RASGEF1C: variants seen among roughly 807,000 people sequenced by gnomAD.
RASGEF1C encodes the protein RasGEF domain family member 1C.
In RASGEF1C, 27 loss-of-function variants were observed where a neutral mutation model predicts 58.1. The ratio of observed to expected loss-of-function variants is 0.46; its 90% CI spans 0.34 to 0.64. The LOEUF is 0.64. RASGEF1C is among the 30% of genes least tolerant of loss of function. The pLI is 0.01. For missense variants in RASGEF1C, 502 were observed against 605.1 expected, an observed-to-expected ratio of 0.83 and a Z score of 1.79; for synonymous variants, 243 against 246.3, an observed-to-expected ratio of 0.99 and a Z score of 0.13.
intron 1 of RASGEF1C, among the ~76,000 whole-genome samples, chr5:180,181,482 G>A (rs1324182644): frequency 6.6e-6 from 1 of 152,200 alleles, no homozygotes; most frequent in Non-Finnish European, 1.5e-5. Context: ...GGAGTGGAGT[G>A]GAGTGGGGTG....
chr5:180,137,995 G>A lies in RASGEF1C; in HGVS notation c.58C>T (p.Pro20Ser), dbSNP rs1335170043. The A allele has an allele frequency of 4.4e-6, 7 of 1,580,730 alleles. No individual in the cohort carries two copies. The highest frequency in any genetic ancestry group is 4.3e-6 in the Non-Finnish European group (5 of 1,169,176). ...TGTTCGCCATCTGTGGGCTCGGTGG[G>A]GGGTGGGCTGAGGCTGCCTGGGGTG... is the stretch of plus-strand genomic sequence containing the variant. ...MVTPGSLSPP[P>S]TEPTDGEQAG... Residue 20 changes from proline (P) to serine (S), a missense_variant, in exon 2 of 14, where the codon CCC (proline) becomes TCC (serine). By Grantham distance (74) the Pro-to-Ser change is moderately conservative (BLOSUM62 -1). Transcript: ENST00000361132. The surrounding 1 kb of genome is among the most constrained non-coding windows in gnomAD (Gnocchi z 4.1).
chr5:180,116,724 T>C (rs898554910), intron 10 of RASGEF1C, among the ~76,000 whole-genome samples: 1 of 152,188 alleles, frequency 6.6e-6, no homozygotes, highest in Non-Finnish European at 1.5e-5. Context: ...GCCCAGGCCA[T>C]GGCTGACGGC....
chr5:180,165,750 C>T (rs1323751117), intron 1 of RASGEF1C, among the ~76,000 whole-genome samples: 10 of 107,388 alleles, frequency 9.3e-5, no homozygotes, highest in East Asian at 2.8e-4. Context: ...TTAATTTTTC[C>T]TTTTTTTTTT....
At chr5:180,172,193 G>A (rs941640848) in intron 1 of RASGEF1C, among the ~76,000 whole-genome samples, 14 of 152,210 alleles carry the variant, frequency 9.2e-5, no homozygotes, top group African/African-American at 3.4e-4. Context: ...TGTGATGAGA[G>A]CACAGTGGGC....
intron 1 of RASGEF1C, among the ~76,000 whole-genome samples, chr5:180,183,662 T>G (rs1483773558): frequency 6.6e-6 from 1 of 151,958 alleles, no homozygotes; most frequent in Non-Finnish European, 1.5e-5. Flanking sequence ...CCGTCTCTAC[T>G]AAAAATACAA....
At chr5:180,206,105 G>A (rs1446615669) in intron 1 of RASGEF1C, among the ~76,000 whole-genome samples, 1 of 152,090 alleles carries the variant, frequency 6.6e-6, no homozygotes, top group Non-Finnish European at 1.5e-5. Context: ...GGAACAGACA[G>A]ACCTGTGAGA....
chr5:180,148,900 G>A (rs1766699912), intron 1 of RASGEF1C, among the ~76,000 whole-genome samples: 1 of 152,086 alleles, frequency 6.6e-6, no homozygotes, highest in Non-Finnish European at 1.5e-5. Flanking sequence ...AGGCCTTGCG[G>A]TAGTGACTTT....
chr5:180,190,061 T>C (rs1429327964), intron 1 of RASGEF1C, among the ~76,000 whole-genome samples: 1 of 149,130 alleles, frequency 6.7e-6, no homozygotes, highest in Non-Finnish European at 1.5e-5. Flanking sequence ...TAAAAACTGA[T>C]CACAGGGCCA....
chr5:180,129,503 G>T (rs1220083493), intron 4 of RASGEF1C, among the ~76,000 whole-genome samples: 1 of 152,138 alleles, frequency 6.6e-6, no homozygotes, highest in African/African-American at 2.4e-5. Context: ...CCAGGGCCCT[G>T]GCTGAGGCCC....
intron 1 of RASGEF1C, among the ~76,000 whole-genome samples, chr5:180,196,198 A>T (rs1756273973): frequency 6.6e-6 from 1 of 152,168 alleles, no homozygotes; most frequent in African/African-American, 2.4e-5. Context: ...AACTTATTTA[A>T]CAGAAATAGT....
At chr5:180,169,659 G>A (rs895121762) in intron 1 of RASGEF1C, among the ~76,000 whole-genome samples, 1 of 152,108 alleles carries the variant, frequency 6.6e-6, no homozygotes, top group African/African-American at 2.4e-5. Flanking sequence ...CAAGGATCAT[G>A]AGCATGGAGA....
At chr5:180,123,328 G>T (rs1424037048) in intron 6 of RASGEF1C, among the ~76,000 whole-genome samples, 6 of 152,186 alleles carry the variant, frequency 3.9e-5, no homozygotes, top group Non-Finnish European at 1.5e-5. Context: ...AGCTTAGGGA[G>T]ATTGAAAAAG....
chr5:180,208,768 C>G (rs1355799658), intron 1 of RASGEF1C, among the ~76,000 whole-genome samples: 1 of 151,930 alleles, frequency 6.6e-6, no homozygotes, highest in Non-Finnish European at 1.5e-5. Context: ...CCAGCAGGGG[C>G]TGGCGGCGCG....
chr5:180,157,387 C>T (rs1054436553), intron 1 of RASGEF1C, among the ~76,000 whole-genome samples: 5 of 151,938 alleles, frequency 3.3e-5, no homozygotes, highest in Non-Finnish European at 1.5e-5. Flanking sequence ...TTTGGGAGGC[C>T]GAGGTGGGCG....
intron 1 of RASGEF1C, among the ~76,000 whole-genome samples, chr5:180,176,268 C>T (rs1217954511): frequency 1.3e-5 from 2 of 152,240 alleles, no homozygotes; most frequent in East Asian, 3.9e-4. Flanking sequence ...CCCACTCCTG[C>T]AGGCTTCTGG....
chr5:180,208,705 T>C (rs6864789), intron 1 of RASGEF1C, among the ~76,000 whole-genome samples: 140,220 of 151,972 alleles, frequency 0.92, 64,908 homozygotes, highest in Middle Eastern at 0.99. Context: ...GGCTTTGGTC[T>C]AGGCTGGCTC....
intron 1 of RASGEF1C, among the ~76,000 whole-genome samples, chr5:180,194,324 T>C (rs1756224956): frequency 6.6e-6 from 1 of 152,200 alleles, no homozygotes; most frequent in South Asian, 2.1e-4. Context: ...TGTTCCTCTT[T>C]CTTATACTCG....
chr5:180,192,738 TTTTTG>T (rs1380242189), intron 1 of RASGEF1C, among the ~76,000 whole-genome samples: 3 of 103,784 alleles, frequency 2.9e-5, no homozygotes, highest in African/African-American at 5.7e-5. Context: ...TCATAGTGTT[TTTTTG>T]TTTTTTGTTT....
chr5:180,176,777 C>T (rs1012322059), intron 1 of RASGEF1C, among the ~76,000 whole-genome samples: 26 of 152,180 alleles, frequency 1.7e-4, no homozygotes, highest in African/African-American at 4.8e-4. Flanking sequence ...AGGATGGTCT[C>T]GATCTCCTGA....
Sources: allele counts gnomAD v4.1 joint callset (sites outside exome capture counted in the v4.1 genomes callset), GRCh38; gene constraint gnomAD v4.1.1; non-coding constraint Gnocchi (gnomAD v3.1); transcripts MANE v1.5; gene names NCBI Gene and HGNC (gene_info 2026-07-23, HGNC 2026-07-21).